The following MAN1C1 variants were observed in gnomAD, a reference collection of about 807,000 sequenced individuals.
The protein encoded by MAN1C1 is mannosidase alpha class 1C member 1, also known as mannosyl-oligosaccharide 1,2-alpha-mannosidase IC.
A neutral mutation model predicts 71.5 loss-of-function variants in MAN1C1; 49 were observed. The observed-to-expected ratio is 0.69, with a 90% CI of 0.54 to 0.87. The LOEUF (loss-of-function observed/expected upper bound fraction) is 0.87, where lower values mean the gene tolerates loss of function less well. Among genes scored for constraint, MAN1C1 ranks in the 40% least tolerant of loss-of-function variants. The pLI, the probability that MAN1C1 is intolerant of heterozygous loss-of-function variation, is 0.00. For missense variants in MAN1C1, 743 were observed against 835.0 expected (o/e 0.89, Z 1.36); for synonymous variants, 352 against 343.7 (o/e 1.02, Z -0.27).
chr1:25,653,640 G>T (rs3014715), intron 1 of MAN1C1, among the ~76,000 whole-genome samples: 2 of 152,002 alleles, frequency 1.3e-5, no homozygotes, highest in African/African-American at 4.8e-5. Flanking sequence ...CACAGAGGCC[G>T]TTGGTCTTAA....
chr1:25,660,424 T>TG (rs2045829955), intron 1 of MAN1C1, among the ~76,000 whole-genome samples: 1 of 136,052 alleles, frequency 7.4e-6, no homozygotes, highest in Non-Finnish European at 1.5e-5. Flanking sequence ...TTTTTTTTTT[T>TG]GAGTGTCGCC....
chr1:25,685,388 GCTC>G (rs1438295171), intron 1 of MAN1C1, among the ~76,000 whole-genome samples: 2 of 152,206 alleles, frequency 1.3e-5, no homozygotes, highest in East Asian at 3.9e-4. Context: ...GCGGGCCCCG[GCTC>G]CTCCTCTGCT....
At chr1:25,656,066 G>A (rs1240898639) in intron 1 of MAN1C1, among the ~76,000 whole-genome samples, 2 of 140,194 alleles carry the variant, frequency 1.4e-5, no homozygotes, top group South Asian at 2.3e-4. Context: ...GTCCAAAGCT[G>A]ATGTATGTCT....
At chr1:25,762,213 A>G (rs1253967358) in intron 6 of MAN1C1, among the ~76,000 whole-genome samples, 1 of 147,178 alleles carries the variant, frequency 6.8e-6, no homozygotes, top group Non-Finnish European at 1.5e-5. Flanking sequence ...TCCAGCCTCA[A>G]TCTCCTGGAC....
At chr1:25,707,615 A>G (rs566940468) in intron 2 of MAN1C1, among the ~76,000 whole-genome samples, 5 of 152,294 alleles carry the variant, frequency 3.3e-5, no homozygotes, top group African/African-American at 9.6e-5. Flanking sequence ...TCCCTGGTAC[A>G]ATGAACCAGC....
intron 2 of MAN1C1, among the ~76,000 whole-genome samples, chr1:25,696,952 G>T (rs2046378457): frequency 1.3e-5 from 2 of 152,132 alleles, no homozygotes; most frequent in African/African-American, 4.8e-5. Context: ...TGACTGAGTG[G>T]CCACTATTCT....
chr1:25,780,616 A>G (rs2047679591), intron 9 of MAN1C1: 2 of 221,366 alleles, frequency 9.0e-6, no homozygotes, highest in African/African-American at 2.3e-5. Flanking sequence ...TTGCAGAGCT[A>G]TTGCCTCAAA....
At chr1:25,682,286 A>G (rs2124166534) in intron 1 of MAN1C1, among the ~76,000 whole-genome samples, 1 of 152,368 alleles carries the variant, frequency 6.6e-6, no homozygotes, top group African/African-American at 2.4e-5. Context: ...CACGTGTTGA[A>G]TAAGATCTTG....
intron 2 of MAN1C1, among the ~76,000 whole-genome samples, chr1:25,741,919 T>A (rs1215462223): frequency 2.0e-5 from 3 of 152,026 alleles, no homozygotes; most frequent in Non-Finnish European, 4.4e-5. Flanking sequence ...TTTGGGATGC[T>A]TGGAGACAAG....
intron 4 of MAN1C1, 130 bp downstream of exon 4, chr1:25,749,465 C>T (rs544557806): frequency 4.5e-6 from 3 of 671,622 alleles, no homozygotes; most frequent in East Asian, 6.0e-5. Flanking sequence ...TGGGGCCACC[C>T]AAGTCCACCC....
intron 1 of MAN1C1, among the ~76,000 whole-genome samples, chr1:25,669,010 A>G (rs1271268909): frequency 2.0e-5 from 3 of 152,202 alleles, no homozygotes; most frequent in Non-Finnish European, 4.4e-5. Context: ...TGAAATTTTG[A>G]AAGAGTCCGG....
intron 3 of MAN1C1, among the ~76,000 whole-genome samples, chr1:25,747,456 G>C (rs559621380): frequency 6.6e-6 from 1 of 152,360 alleles, no homozygotes; most frequent in African/African-American, 2.4e-5. Flanking sequence ...AGCTCCCCAC[G>C]GAGAGAGGCT....
At chr1:25,762,331 C>G (rs577737800) in intron 6 of MAN1C1, among the ~76,000 whole-genome samples, 1 of 152,128 alleles carries the variant, frequency 6.6e-6, no homozygotes, top group East Asian at 1.9e-4. Flanking sequence ...CCATGTTACC[C>G]AGGCTTGTCT....
At position 25,735,384 on chromosome 1, in the gene MAN1C1, A is replaced by T. The variant is rs1308319101; in HGVS notation, c.638-11284A>T. On this transcript the variant is annotated intron_variant, in intron 2 of 11. Coordinates refer to ENST00000374332, the MANE Select transcript of MAN1C1 (RefSeq NM_020379.4). This position sits in a 1 kb window ranked among gnomAD's most constrained non-coding sequence, Gnocchi z 4.6. ...CAGTGAGCAGAGATCACACCACTGC[A>T]CTCCATCCTGTGTGACAGAGCGAGA... Among the ~76,000 whole-genome samples, 1 of 152,124 alleles carries T rather than the reference A, an allele frequency of 6.6e-6. No homozygotes were observed. The highest frequency in any genetic ancestry group is 1.5e-5 in the Non-Finnish European group (1 of 68,016).
At chr1:25,705,542 G>T (rs929660570) in intron 2 of MAN1C1, among the ~76,000 whole-genome samples, 1 of 152,124 alleles carries the variant, frequency 6.6e-6, no homozygotes, top group African/African-American at 2.4e-5. Flanking sequence ...TCTTAATTTG[G>T]GTCACTAATC....
intron 1 of MAN1C1, among the ~76,000 whole-genome samples, chr1:25,659,767 T>G (rs2045820517): frequency 2.0e-5 from 3 of 152,214 alleles, no homozygotes; most frequent in Admixed American, 2.0e-4. Flanking sequence ...TGTGTGCCAA[T>G]GGTTAATAAT....
chr1:25,783,885 A>G lies in MAN1C1; in HGVS notation c.*96A>G. 1.4e-6 allele frequency: 2 copies of G among 1,467,356 alleles called. No homozygotes were observed. The highest frequency in any genetic ancestry group is 1.8e-6 in the Non-Finnish European group (2 of 1,094,340). 90.9% of individuals were successfully genotyped at this position (1,467,356 alleles called of 1,614,324 possible). Reference sequence around the variant, plus strand: ...CAAAGGGATTGGGAACGAAGGCCCCATCTCGGGCAGACCCCCAGCAGATGT... The same window carrying G: ...CAAAGGGATTGGGAACGAAGGCCCCGTCTCGGGCAGACCCCCAGCAGATGT... On this transcript the variant is annotated 3_prime_UTR_variant, in exon 12 of 12. Transcript: ENST00000374332.
intron 5 of MAN1C1, among the ~76,000 whole-genome samples, chr1:25,755,922 T>A (rs959372894): frequency 4.6e-5 from 7 of 152,184 alleles, no homozygotes. Context: ...GCAGAGGCCC[T>A]CCTGGTCTCT....
intron 1 of MAN1C1, among the ~76,000 whole-genome samples, chr1:25,657,942 G>A (rs1372543223): frequency 1.3e-5 from 2 of 152,186 alleles, no homozygotes; most frequent in South Asian, 2.1e-4. Flanking sequence ...CACACACAGC[G>A]TGACCCACCA....
Sources: gnomAD v4.1 joint callset for allele counts (sites outside exome capture counted in the v4.1 genomes callset) on GRCh38, gnomAD v4.1.1 for gene constraint, Gnocchi (gnomAD v3.1) non-coding constraint, MANE v1.5 for transcripts, NCBI Gene and HGNC (gene_info 2026-07-23, HGNC 2026-07-21) for gene names.